The following TRIM33 variants were observed in gnomAD, a reference collection of about 807,000 sequenced individuals.
TRIM33 encodes tripartite motif containing 33.
TRIM33 carries 20 observed loss-of-function variants against 125.4 expected under a neutral mutation model. That is an observed-to-expected ratio of 0.16 (90% CI 0.11 to 0.23). The LOEUF is 0.23. Among genes scored for constraint, TRIM33 ranks in the 10% least tolerant of loss-of-function variants. The pLI is 1.00. For missense variants in TRIM33, 920 were observed against 1,411.4 expected (o/e 0.65, Z 5.58); for synonymous variants, 564 against 513.9 (o/e 1.10, Z -1.32).
Position 114,397,683 on chromosome 1 carries a change from G to C in TRIM33, c.3349C>G (p.Leu1117Val). 1 of 1,561,310 alleles carries C rather than the reference G, an allele frequency of 6.4e-7. No individual in the cohort carries two copies. Among genetic ancestry groups the C allele is most frequent in the African/African-American group, 1.4e-5 (1 of 69,782 alleles). ...TGTACTGGTCTCTCATCTGACTTTA[G>C]GCGTTTTCTGCGGGGCTGTATAAAG... Reference protein sequence around the residue: ...EDFIQPRRKRLKSDERPVHIK With the variant: ...EDFIQPRRKRVKSDERPVHIK The change falls in exon 20 of 20, where the codon CTA becomes GTA. Residue 1117 changes from leucine to valine, a missense_variant. Leu to Val is a conservative substitution (Grantham distance 32). Around this residue, in one of 8 missense-constraint regions of TRIM33, gnomAD observed 122 missense variants for 236.8 expected, o/e 0.52. Coordinates refer to ENST00000358465, the MANE Select transcript of TRIM33 (RefSeq NM_015906.4).
Position 114,397,634 on chromosome 1 carries a change from A to AAAAAC in TRIM33, c.*13_*14insGTTTT. The AAAAAC allele has an allele frequency of 1.3e-6, 1 of 751,882 alleles. No homozygotes were observed. Among genetic ancestry groups the AAAAAC allele is most frequent in the Non-Finnish European group, 1.8e-6 (1 of 541,724 alleles). 46.6% of individuals were successfully genotyped at this position (751,882 alleles called of 1,614,324 possible). On this transcript the variant is annotated 3_prime_UTR_variant, in exon 20 of 20. Coordinates refer to ENST00000358465, the MANE Select transcript of TRIM33 (RefSeq NM_015906.4). ...TTTTTTTTTTTTAAACAATTGATTT[A>AAAAAC]AATCCATGTCATTTTACTTTATATG...
In TRIM33 at chr1:114,511,042, C is replaced by A; in HGVS notation, c.35G>T (p.Ser12Ile). 7.6e-7 allele frequency: 1 copy of A among 1,312,964 alleles called. No individual in the cohort carries two copies. Among genetic ancestry groups the A allele is most frequent in the South Asian group, 1.8e-5 (1 of 54,200 alleles). 81.3% of individuals were successfully genotyped at this position (1,312,964 alleles called of 1,614,324 possible). A position where few individuals can be genotyped will look rare whatever the true frequency, so the allele number is the denominator to read the frequency against. Residue 12 changes from serine to isoleucine, a missense_variant, in exon 1 of 20, where the codon AGC becomes ATC. Around this residue, in one of 8 missense-constraint regions of TRIM33, gnomAD observed 233 missense variants for 189.6 expected, o/e 1.23. Transcript: ENST00000358465. ...AENKGGGEAE[S>I]GGGGSGSAPV... ...CGCGCTGCCGCTGCCCCCGCCGCCG[C>A]TCTCAGCCTCGCCGCCGCCTTTGTT... is the stretch of plus-strand genomic sequence containing the variant.
intron 1 of TRIM33, among the ~76,000 whole-genome samples, chr1:114,503,410 G>T (rs531675082): frequency 2.6e-5 from 4 of 152,166 alleles, no homozygotes; most frequent in Non-Finnish European, 2.9e-5. Flanking sequence ...CCCAGGAGGC[G>T]GAGGTCGCGG....
chr1:114,499,923 G>A (rs113640677), intron 1 of TRIM33, among the ~76,000 whole-genome samples: 2 of 152,178 alleles, frequency 1.3e-5, no homozygotes, highest in African/African-American at 4.8e-5. Context: ...CACTTTGGGA[G>A]GCCCAGGCAG....
intron 15 of TRIM33, 83 bp from the exon 16 acceptor site, chr1:114,402,966 G>A (rs1456462674): frequency 7.7e-7 from 1 of 1,304,568 alleles, no homozygotes; most frequent in Non-Finnish European, 1.0e-6. Context: ...CTGGGGCCTG[G>A]TTTATTTTCT....
intron 3 of TRIM33, 73 bp from the exon 4 acceptor site, chr1:114,463,309 T>A: frequency 2.6e-6 from 4 of 1,555,596 alleles, no homozygotes; most frequent in South Asian, 1.2e-5. Context: ...TTCCTATTGA[T>A]GTTGCTATCC....
chr1:114,478,396 G>C (rs1417493828), intron 1 of TRIM33, among the ~76,000 whole-genome samples: 1 of 151,998 alleles, frequency 6.6e-6, no homozygotes, highest in East Asian at 1.9e-4. Context: ...CTGGGTTGGG[G>C]GTCACACAGC....
In TRIM33 at chr1:114,464,129, G is replaced by A. The variant is rs960458521; in HGVS notation, c.645+141C>T. The A allele has an allele frequency of 1.2e-5, 6 of 506,634 alleles. No homozygotes were observed. The Admixed American group carries it at 2.3e-4, about 19-fold the overall frequency. The allele number at this position is 506,634 out of a possible 1,614,324, so 31.4% of individuals were successfully genotyped here. On this transcript the variant is annotated intron_variant, in intron 2 of 19. Transcript: ENST00000358465. ...TTTAACTAAGTTTGAGAGTATATAA[G>A]AAAGCTATCTTTAACTTTCTATTTG...
chr1:114,485,611 A>C (rs1300478908), intron 1 of TRIM33, among the ~76,000 whole-genome samples: 1 of 152,194 alleles, frequency 6.6e-6, no homozygotes, highest in East Asian at 1.9e-4. Context: ...CCACTTCATC[A>C]GGAAGGACCA....
chr1:114,460,466 T>C (rs1173932982), intron 4 of TRIM33: 3 of 151,320 alleles, frequency 2.0e-5, no homozygotes, highest in African/African-American at 7.3e-5. Context: ...AAATGAGTTA[T>C]CAGACCATCC....
intron 1 of TRIM33, among the ~76,000 whole-genome samples, chr1:114,497,492 G>T (rs1652441433): frequency 6.6e-6 from 1 of 151,820 alleles, no homozygotes; most frequent in East Asian, 1.9e-4. Context: ...GTAGAGATGA[G>T]GTTTCACCAC....
At chr1:114,409,124 C>T (rs555067873) in intron 12 of TRIM33, among the ~76,000 whole-genome samples, 1 of 152,294 alleles carries the variant, frequency 6.6e-6, no homozygotes, top group African/African-American at 2.4e-5. Flanking sequence ...GTTAATGTTG[C>T]ATCTCATGGA....
In TRIM33 at chr1:114,393,321, G is replaced by C. The variant is rs1051292391; in HGVS notation, c.*4327C>G. 1.0e-5 allele frequency: 2 copies of C among 199,322 alleles called. No individual in the cohort carries two copies. The highest frequency in any genetic ancestry group is 4.6e-5 in the African/African-American group (2 of 43,420). 12.3% of individuals were successfully genotyped at this position (199,322 alleles called of 1,614,324 possible). A position where few individuals can be genotyped will look rare whatever the true frequency, so the allele number is the denominator to read the frequency against. On this transcript the variant is annotated 3_prime_UTR_variant, in exon 20 of 20. Transcript: ENST00000358465. The stretch of plus-strand genomic sequence containing the variant: ...ATGTAGTAGATGCCTACATTTTTCA[G>C]AACAAGGAGCAGACATGCATTCCAT...
At chr1:114,404,746 T>C (rs1333933285) in intron 15 of TRIM33, 1 of 151,984 alleles carries the variant, frequency 6.6e-6, no homozygotes, top group African/African-American at 2.4e-5. Flanking sequence ...AGGTTAACAC[T>C]TTCAAAGAGG....
chr1:114,441,212 C>A (rs1322685066), intron 4 of TRIM33, among the ~76,000 whole-genome samples: 1 of 152,202 alleles, frequency 6.6e-6, no homozygotes, highest in Non-Finnish European at 1.5e-5. Flanking sequence ...GAGAGGATCA[C>A]CTTAGTCCAA....
At chr1:114,487,920 AAAAAAAAAAAT>A (rs1195786649) in intron 1 of TRIM33, among the ~76,000 whole-genome samples, 21 of 150,548 alleles carry the variant, frequency 1.4e-4, no homozygotes, top group African/African-American at 4.4e-4. Flanking sequence ...AAAAAAAAAA[AAAAAAAAAAAT>A]GAGAGTAAAT....
chr1:114,408,803 C>T (rs1262446876), intron 12 of TRIM33, 63 bp from the exon 13 acceptor site: 89 of 1,128,352 alleles, frequency 7.9e-5, no homozygotes, highest in Middle Eastern at 2.9e-4. Flanking sequence ...TTCTACCTAC[C>T]GGTCACAGAA....
intron 4 of TRIM33, among the ~76,000 whole-genome samples, chr1:114,460,953 C>T (rs971097518): frequency 6.6e-6 from 1 of 152,004 alleles, no homozygotes; most frequent in Non-Finnish European, 1.5e-5. Context: ...AAATGCTTCC[C>T]TGAGTTCTGT....
chr1:114,405,313 A>G (rs1230795), intron 15 of TRIM33, 97 bp downstream of exon 15: 1 of 863,928 alleles, frequency 1.2e-6, no homozygotes, highest in Non-Finnish European at 1.8e-6. Flanking sequence ...TAGAAATACT[A>G]TGCACTGGTT....
Sources: gnomAD v4.1 joint callset for allele counts (sites outside exome capture counted in the v4.1 genomes callset) on GRCh38, gnomAD v4.1.1 for gene constraint, gnomAD v4.1.1 regional missense constraint, MANE v1.5 for transcripts, NCBI Gene and HGNC (gene_info 2026-07-23, HGNC 2026-07-21) for gene names.